ARHGAP42: variants seen among roughly 807,000 people sequenced by gnomAD.
The protein encoded by ARHGAP42 is rho GTPase-activating protein 42.
Under a neutral mutation model 125.0 loss-of-function variants are expected in ARHGAP42, and 63 were observed. That is an observed-to-expected ratio of 0.50 (90% CI 0.41 to 0.62). The LOEUF (loss-of-function observed/expected upper bound fraction) is 0.62. Ranked by LOEUF, ARHGAP42 falls within the 20% of genes least tolerant of loss-of-function variation. The pLI, the probability that ARHGAP42 is intolerant of heterozygous loss-of-function variation, is 0.00. For missense variants in ARHGAP42, 766 were observed against 1,024.2 expected, an observed-to-expected ratio of 0.75 and a Z score of 3.44; for synonymous variants, 339 against 351.0, an observed-to-expected ratio of 0.97 and a Z score of 0.38.
intron 4 of ARHGAP42, among the ~76,000 whole-genome samples, chr11:100,878,295 A>G (rs1447469406): frequency 6.6e-6 from 1 of 150,960 alleles, no homozygotes; most frequent in Non-Finnish European, 1.5e-5. Context: ...TGCCCGGCCT[A>G]TTCCTTCTAT....
chr11:100,857,720 A>G (rs188443077), intron 3 of ARHGAP42, among the ~76,000 whole-genome samples: 9 of 152,144 alleles, frequency 5.9e-5, no homozygotes, highest in Non-Finnish European at 5.9e-5. Context: ...TAGTTTTTCC[A>G]TTGATTCCTC....
chr11:100,731,148 T>G (rs1861950080), intron 1 of ARHGAP42, among the ~76,000 whole-genome samples: 1 of 152,092 alleles, frequency 6.6e-6, no homozygotes, highest in African/African-American at 2.4e-5. Flanking sequence ...TAACTTAGAT[T>G]TATATCATTA....
At chr11:100,960,070 T>G in intron 13 of ARHGAP42, 125 bp downstream of exon 13, 1 of 818,624 alleles carries the variant, frequency 1.2e-6, no homozygotes, top group Non-Finnish European at 1.9e-6. Flanking sequence ...TTAAGAGTAA[T>G]ATAAATGTAT....
intron 3 of ARHGAP42, chr11:100,816,725 A>C (rs1864274925): frequency 6.6e-6 from 1 of 152,146 alleles, no homozygotes; most frequent in Admixed American, 6.6e-5. Context: ...GCAATGTTTT[A>C]AGAGGTTTTG....
intron 5 of ARHGAP42, among the ~76,000 whole-genome samples, chr11:100,919,478 GA>G (rs912505055): frequency 1.1e-4 from 16 of 150,134 alleles, no homozygotes; most frequent in East Asian, 2.0e-4. Flanking sequence ...CCATTGACTA[GA>G]AAAAAAAACA....
At chr11:100,921,417 A>G in intron 5 of ARHGAP42, 77 bp from the exon 6 acceptor site, 1 of 1,111,942 alleles carries the variant, frequency 9.0e-7, no homozygotes, top group Non-Finnish European at 1.3e-6. Flanking sequence ...TTACTTTTTA[A>G]TAAAGATACC....
intron 3 of ARHGAP42, among the ~76,000 whole-genome samples, chr11:100,811,613 C>T (rs1411878894): frequency 6.6e-6 from 1 of 151,756 alleles, no homozygotes; most frequent in Non-Finnish European, 1.5e-5. Context: ...GATTCTTCTG[C>T]CTTAGCCTCC....
At chr11:100,929,042 T>C (rs1867503989) in intron 6 of ARHGAP42, among the ~76,000 whole-genome samples, 1 of 152,186 alleles carries the variant, frequency 6.6e-6, no homozygotes, top group Non-Finnish European at 1.5e-5. Context: ...TTCACTATTA[T>C]GAATAATGTT....
At chr11:100,861,406 C>T (rs898776584) in intron 4 of ARHGAP42, among the ~76,000 whole-genome samples, 2 of 152,054 alleles carry the variant, frequency 1.3e-5, no homozygotes, top group Admixed American at 6.5e-5. Context: ...GCAATAGAAA[C>T]GTAAGTGGGA....
chr11:100,772,819 G>GT, intron 2 of ARHGAP42, among the ~76,000 whole-genome samples: 1 of 152,198 alleles, frequency 6.6e-6, no homozygotes, highest in South Asian at 2.1e-4. Context: ...ACATATTTAC[G>GT]TAACAGTTAT....
At chr11:100,817,672 G>T (rs752159825) in intron 3 of ARHGAP42, among the ~76,000 whole-genome samples, 1 of 152,104 alleles carries the variant, frequency 6.6e-6, no homozygotes, top group East Asian at 1.9e-4. Context: ...CTTCTTACAT[G>T]AATGCTCTCA....
intron 4 of ARHGAP42, among the ~76,000 whole-genome samples, chr11:100,899,591 A>T (rs1866470569): frequency 6.6e-6 from 1 of 151,872 alleles, no homozygotes; most frequent in Admixed American, 6.6e-5. Context: ...CTTTACCATT[A>T]TGTAATGGAC....
At chr11:100,985,718 CT>C (rs1243541225) in intron 22 of ARHGAP42, among the ~76,000 whole-genome samples, 1 of 152,212 alleles carries the variant, frequency 6.6e-6, no homozygotes. Context: ...AGCAAGCTTT[CT>C]GAAAGTACAG....
At chr11:100,827,320 A>C (rs1040966422) in intron 3 of ARHGAP42, among the ~76,000 whole-genome samples, 6 of 152,142 alleles carry the variant, frequency 3.9e-5, no homozygotes, top group Non-Finnish European at 7.4e-5. Context: ...ACATCTTTAC[A>C]TAGAGTGATG....
At chr11:100,808,395 CTTTTTTTTTTTT>C (rs398045483) in intron 3 of ARHGAP42, among the ~76,000 whole-genome samples, 1 of 118,778 alleles carries the variant, frequency 8.4e-6, no homozygotes, top group African/African-American at 3.3e-5. Flanking sequence ...TAAATTCACT[CTTTTTTTTTTTT>C]TTTTTTTTTG....
chr11:100,689,768 T>C (rs1269931170), intron 1 of ARHGAP42, among the ~76,000 whole-genome samples: 1 of 152,210 alleles, frequency 6.6e-6, no homozygotes, highest in Non-Finnish European at 1.5e-5. Flanking sequence ...TTATTACTTC[T>C]TTCATTGTGA....
At chr11:100,884,280 A>G (rs773566871) in intron 4 of ARHGAP42, among the ~76,000 whole-genome samples, 3 of 152,162 alleles carry the variant, frequency 2.0e-5, no homozygotes, top group Non-Finnish European at 4.4e-5. Context: ...AAATAAAACT[A>G]TTTTAAAAGC....
chr11:100,915,380 A>T (rs1159705367), intron 5 of ARHGAP42, among the ~76,000 whole-genome samples: 1 of 152,156 alleles, frequency 6.6e-6, no homozygotes, highest in South Asian at 2.1e-4. Flanking sequence ...TCACCAGTAC[A>T]TCATCATCTA....
At chr11:100,690,736 A>G (rs911611643) in intron 1 of ARHGAP42, among the ~76,000 whole-genome samples, 4 of 151,936 alleles carry the variant, frequency 2.6e-5, no homozygotes, top group African/African-American at 7.3e-5. Flanking sequence ...AGCTGGGACT[A>G]CAGGTGCCCG....
Sources: allele counts gnomAD v4.1 joint callset (sites outside exome capture counted in the v4.1 genomes callset), GRCh38; gene constraint gnomAD v4.1.1; transcripts MANE v1.5; gene names NCBI Gene and HGNC (gene_info 2026-07-23, HGNC 2026-07-21).